The following CYB5R4 variants were observed in gnomAD, a reference collection of about 807,000 sequenced individuals.
CYB5R4 encodes the protein N-terminal cytochrome b5 and cytochrome b5 oxidoreductase domain-containing protein.
Under a neutral mutation model 70.2 loss-of-function variants are expected in CYB5R4, and 55 were observed. The ratio of observed to expected loss-of-function variants is 0.78; its 90% CI spans 0.63 to 0.98. The LOEUF is 0.98. Ranked by LOEUF, CYB5R4 falls within the 50% of genes least tolerant of loss-of-function variation. The pLI, the probability that CYB5R4 is intolerant of heterozygous loss-of-function variation, is 0.00. For missense variants in CYB5R4, 562 were observed against 612.6 expected, an observed-to-expected ratio of 0.92 and a Z score of 0.87; for synonymous variants, 197 against 199.5, an observed-to-expected ratio of 0.99 and a Z score of 0.11.
chr6:83,882,537 A>G (rs1362657513), intron 2 of CYB5R4, among the ~76,000 whole-genome samples: 4 of 152,214 alleles, frequency 2.6e-5, no homozygotes, highest in African/African-American at 4.8e-5. Context: ...TTTCTACAAC[A>G]TATTTATAAG....
intron 15 of CYB5R4, among the ~76,000 whole-genome samples, chr6:83,956,102 ATT>A (rs2099472387): frequency 6.6e-6 from 1 of 152,152 alleles, no homozygotes; most frequent in African/African-American, 2.4e-5. Flanking sequence ...TAAGTGCCCT[ATT>A]CTTATTTAGT....
intron 3 of CYB5R4, among the ~76,000 whole-genome samples, chr6:83,904,333 G>A (rs1207828480): frequency 6.6e-6 from 1 of 151,996 alleles, no homozygotes; most frequent in Non-Finnish European, 1.5e-5. Flanking sequence ...TAATTTCCAT[G>A]TATTTGTATG....
At chr6:83,946,612 G>C (rs1294703477) in intron 14 of CYB5R4, among the ~76,000 whole-genome samples, 1 of 152,134 alleles carries the variant, frequency 6.6e-6, no homozygotes, top group Non-Finnish European at 1.5e-5. Flanking sequence ...ATTCAGATAG[G>C]AAAAGAGGAA....
intron 14 of CYB5R4, among the ~76,000 whole-genome samples, chr6:83,942,637 G>A (rs891734520): frequency 6.6e-6 from 1 of 152,148 alleles, no homozygotes; most frequent in Non-Finnish European, 1.5e-5. Flanking sequence ...CTGGAAAGGG[G>A]GCTGAAGCCA....
At chr6:83,907,175 A>G (rs1232937419) in intron 3 of CYB5R4, among the ~76,000 whole-genome samples, 1 of 152,150 alleles carries the variant, frequency 6.6e-6, no homozygotes, top group African/African-American at 2.4e-5. Flanking sequence ...TCCTGGGCTC[A>G]AGTGATCCTC....
chr6:83,910,118 A>G lies in CYB5R4; in HGVS notation c.412+1028A>G, dbSNP rs749334230. On this transcript the variant is annotated intron_variant, in intron 4 of 15. Coordinates refer to ENST00000369681, the MANE Select transcript of CYB5R4 (RefSeq NM_016230.4). ...AGGATGGAGATAGACACCAGGACCTATAGTGGGCTGAGACATTACTTTCAA... is the reference window on the plus strand; with the variant it reads ...AGGATGGAGATAGACACCAGGACCTGTAGTGGGCTGAGACATTACTTTCAA... 5.6e-6 allele frequency: 9 copies of G among 1,612,270 alleles called. No individual in the cohort carries two copies. In the Admixed American group the frequency reaches 8.3e-5, roughly 15 times the overall value.
chr6:83,948,025 T>A (rs773917706), intron 14 of CYB5R4, among the ~76,000 whole-genome samples: 1 of 152,340 alleles, frequency 6.6e-6, no homozygotes, highest in Middle Eastern at 3.4e-3. Context: ...ACTGGGTATA[T>A]ACCCAAAGCA....
chr6:83,908,356 G>A (rs762273161), intron 3 of CYB5R4, among the ~76,000 whole-genome samples: 7 of 151,890 alleles, frequency 4.6e-5, no homozygotes, highest in Non-Finnish European at 7.4e-5. Context: ...TGTGCCAAAT[G>A]GCCTTTCATG....
At chr6:83,879,741 CAA>C (rs1356993708) in intron 2 of CYB5R4, among the ~76,000 whole-genome samples, 1 of 152,146 alleles carries the variant, frequency 6.6e-6, no homozygotes, top group East Asian at 1.9e-4. Flanking sequence ...ATGAGCATCT[CAA>C]GAGGTGAAAG....
chr6:83,882,634 C>T (rs1318483420), intron 2 of CYB5R4, among the ~76,000 whole-genome samples: 1 of 152,070 alleles, frequency 6.6e-6, no homozygotes, highest in Non-Finnish European at 1.5e-5. Context: ...AGATGTTGAA[C>T]TTAGTTCACA....
intron 2 of CYB5R4, among the ~76,000 whole-genome samples, chr6:83,889,073 A>G (rs1562830978): frequency 6.6e-6 from 1 of 152,228 alleles, no homozygotes; most frequent in Non-Finnish European, 1.5e-5. Context: ...GTGGAAGAAA[A>G]GTTAGAAACT....
intron 2 of CYB5R4, among the ~76,000 whole-genome samples, chr6:83,875,250 G>T (rs562366174): frequency 6.0e-4 from 91 of 151,442 alleles, no homozygotes; most frequent in African/African-American, 1.9e-3. Flanking sequence ...ATTTTGATAT[G>T]TGCAAAACTT....
At chr6:83,926,722 C>T (rs2099467347) in intron 10 of CYB5R4, among the ~76,000 whole-genome samples, 1 of 152,094 alleles carries the variant, frequency 6.6e-6, no homozygotes, top group African/African-American at 2.4e-5. Flanking sequence ...CCCTTGTTTA[C>T]CCTCTAGAGT....
At chr6:83,873,401 G>A (rs987129711) in intron 2 of CYB5R4, among the ~76,000 whole-genome samples, 10 of 151,592 alleles carry the variant, frequency 6.6e-5, no homozygotes, top group Admixed American at 3.9e-4. Context: ...CACCACACTC[G>A]GCTAATTTTT....
intron 3 of CYB5R4, among the ~76,000 whole-genome samples, chr6:83,900,108 C>CT (rs2129135787): frequency 6.6e-6 from 1 of 152,260 alleles, no homozygotes; most frequent in East Asian, 1.9e-4. Context: ...GCATTTAGTG[C>CT]TTTAAGTTTC....
chr6:83,919,273 A>G, intron 6 of CYB5R4, 124 bp from the exon 7 acceptor site: 1 of 540,942 alleles, frequency 1.8e-6, no homozygotes, highest in South Asian at 2.5e-5. Context: ...TTATTTAGAA[A>G]AAAAGCTTAA....
Position 83,881,559 on chromosome 6 carries a change from TG to T in CYB5R4, c.230-11958del, listed in dbSNP as rs1420160213. 2.6e-5 allele frequency among the ~76,000 whole-genome samples: 4 copies of T among 152,352 alleles called. No individual in the cohort carries two copies. In the East Asian group the frequency reaches 7.7e-4, roughly 29 times the overall value. On this transcript the variant is annotated intron_variant, in intron 2 of 15. Transcript: ENST00000369681. ...CCTGGAATCTAATTCCTGTACCTTT[TG>T]GGGGTTCTGTTGAACAAATTGTTTT...
Position 83,919,412 on chromosome 6 carries a change from A to G in CYB5R4, c.522A>G (p.Gln174=). The change falls in exon 7 of 16, where the codon CAA becomes CAG. Residue 174 remains glutamine (Q), a synonymous_variant. Transcript: ENST00000369681. ...TATTTTACAGCTATGATTGGTTCCA[A>G]ACAGACTCTTTAGTCACCATTGCCA... ...GPSYPSYDWF[Q]TDSLVTIAIY... 6.6e-7 allele frequency: 1 copy of G among 1,521,908 alleles called. No homozygotes were observed. Among genetic ancestry groups the G allele is most frequent in the Non-Finnish European group, 9.0e-7 (1 of 1,115,798 alleles). 94.3% of individuals were successfully genotyped at this position (1,521,908 alleles called of 1,614,324 possible).
At chr6:83,901,080 A>G (rs866246976) in intron 3 of CYB5R4, among the ~76,000 whole-genome samples, 23 of 152,276 alleles carry the variant, frequency 1.5e-4, no homozygotes, top group Admixed American at 5.2e-4. Context: ...ACAATTTGGC[A>G]TGTTTTTGCA....
Sources: gnomAD v4.1 joint callset for allele counts (sites outside exome capture counted in the v4.1 genomes callset) on GRCh38, gnomAD v4.1.1 for gene constraint, MANE v1.5 for transcripts, NCBI Gene and HGNC (gene_info 2026-07-23, HGNC 2026-07-21) for gene names.